RORA: variants seen among roughly 807,000 people sequenced by gnomAD.
The protein encoded by RORA is RAR related orphan receptor A, also known as nuclear receptor ROR-alpha.
A neutral mutation model predicts 69.5 loss-of-function variants in RORA; 7 were observed. The observed-to-expected ratio is 0.10, with a 90% CI of 0.06 to 0.19. RORA has a LOEUF of 0.19. RORA is among the 10% of genes least tolerant of loss of function. RORA has a pLI of 1.00. For synonymous variants in RORA, 261 were observed against 240.8 expected, an observed-to-expected ratio of 1.08 and a Z score of -0.78; for missense variants, 457 against 663.0, an observed-to-expected ratio of 0.69 and a Z score of 3.41.
At chr15:61,156,737 T>G (rs1010052865) in intron 1 of RORA, among the ~76,000 whole-genome samples, 3 of 152,202 alleles carry the variant, frequency 2.0e-5, no homozygotes, top group African/African-American at 7.2e-5. Context: ...GACTCCCCCA[T>G]GTTATAAGAG....
intron 1 of RORA, among the ~76,000 whole-genome samples, chr15:60,691,129 C>T (rs913937268): frequency 3.3e-5 from 5 of 152,000 alleles, no homozygotes; most frequent in African/African-American, 9.7e-5. Context: ...TTTGTAGTTC[C>T]CTCTGCCTGT....
intron 1 of RORA, among the ~76,000 whole-genome samples, chr15:60,780,329 A>G (rs550720926): frequency 5.3e-5 from 8 of 152,252 alleles, no homozygotes; most frequent in African/African-American, 1.9e-4. Flanking sequence ...TTCCACATGG[A>G]CTGGTGATGT....
At chr15:60,946,942 C>A (rs953938322) in intron 1 of RORA, among the ~76,000 whole-genome samples, 1 of 151,174 alleles carries the variant, frequency 6.6e-6, no homozygotes, top group African/African-American at 2.4e-5. Flanking sequence ...AGGTGAGGAG[C>A]GTCTCTGCCC....
At chr15:60,979,098 A>G (rs975988240) in intron 1 of RORA, among the ~76,000 whole-genome samples, 2 of 150,828 alleles carry the variant, frequency 1.3e-5, no homozygotes, top group Non-Finnish European at 2.9e-5. Flanking sequence ...AGTAGCTGGG[A>G]CTACAGGCAC....
chr15:60,599,230 C>T (rs1022811880), intron 2 of RORA, among the ~76,000 whole-genome samples: 1 of 152,078 alleles, frequency 6.6e-6, no homozygotes, highest in Non-Finnish European at 1.5e-5. Flanking sequence ...AAATGAAGAG[C>T]CTCTTAGAAG....
chr15:60,572,667 A>G (rs1031220002), intron 2 of RORA, among the ~76,000 whole-genome samples: 7 of 152,170 alleles, frequency 4.6e-5, no homozygotes, highest in Non-Finnish European at 8.8e-5. Context: ...AAATAATCCA[A>G]TGTGGTTGAT....
At chr15:61,214,863 CTTT>C (rs34041868) in intron 1 of RORA, among the ~76,000 whole-genome samples, 7 of 107,084 alleles carry the variant, frequency 6.5e-5, no homozygotes, top group African/African-American at 1.5e-4. Context: ...CCTTCTTGGA[CTTT>C]TTTTTTTTTT....
intron 1 of RORA, among the ~76,000 whole-genome samples, chr15:60,970,587 AT>A (rs1405425789): frequency 3.3e-5 from 5 of 152,240 alleles, no homozygotes; most frequent in African/African-American, 1.2e-4. Flanking sequence ...ACAAGAGGAA[AT>A]AGGAACTTGG....
chr15:60,966,147 A>G (rs1175994261), intron 1 of RORA, among the ~76,000 whole-genome samples: 2 of 152,064 alleles, frequency 1.3e-5, no homozygotes, highest in Non-Finnish European at 2.9e-5. Flanking sequence ...CTCTTTCTTC[A>G]TATCACCTTC....
At chr15:61,050,328 CT>C (rs773888814) in intron 1 of RORA, among the ~76,000 whole-genome samples, 4 of 152,294 alleles carry the variant, frequency 2.6e-5, no homozygotes, top group Middle Eastern at 3.4e-3. Context: ...ACTTTGTCCT[CT>C]GAAATATAGT....
intron 1 of RORA, among the ~76,000 whole-genome samples, chr15:61,101,358 CTTGT>C (rs2078876876): frequency 6.6e-6 from 1 of 151,986 alleles, no homozygotes; most frequent in African/African-American, 2.4e-5. Context: ...GAAAAAAAGG[CTTGT>C]TTATTTTGAG....
At chr15:60,668,684 G>C (rs2070416562) in intron 2 of RORA, among the ~76,000 whole-genome samples, 2 of 152,194 alleles carry the variant, frequency 1.3e-5, no homozygotes, top group Admixed American at 1.3e-4. Context: ...GTGAGGGAAA[G>C]TGAATTTTCA....
rs574110738 is a variant in RORA at position 60,642,109 on chromosome 15, T to C, written c.196+36548A>G. On this transcript the variant is annotated intron_variant, in intron 2 of 10. Transcript: ENST00000335670. ...TCGGGCTGTGTGAATAGTATGTCCT[T>C]TAGCTCAGGGAGTCATTCTTTCCAC... 5.3e-5 allele frequency among the ~76,000 whole-genome samples: 8 copies of C among 152,278 alleles called. No homozygotes were observed. In the South Asian group the frequency reaches 1.7e-3, roughly 32 times the overall value.
intron 2 of RORA, chr15:60,556,918 C>T: frequency 3.7e-6 from 6 of 1,613,328 alleles, no homozygotes; most frequent in South Asian, 1.1e-5. Context: ...GCCATTCTGC[C>T]TCCAGGAACA....
chr15:60,762,851 C>T (rs2071915946), intron 1 of RORA, among the ~76,000 whole-genome samples: 1 of 152,092 alleles, frequency 6.6e-6, no homozygotes, highest in South Asian at 2.1e-4. Flanking sequence ...ATTCAAGATG[C>T]TGCTTTGCCA....
At chr15:60,614,869 C>G in intron 2 of RORA, 1 of 1,595,572 alleles carries the variant, frequency 6.3e-7, no homozygotes, top group Non-Finnish European at 8.6e-7. Context: ...CTGCCTGGAG[C>G]ATAGTAAGCT....
intron 1 of RORA, among the ~76,000 whole-genome samples, chr15:61,219,041 T>G (rs1353248801): frequency 1.3e-5 from 2 of 152,222 alleles, no homozygotes; most frequent in Non-Finnish European, 2.9e-5. Context: ...AAAATAGTTT[T>G]ACTTTCCACT....
chr15:60,975,867 T>C (rs1595856288), intron 1 of RORA, among the ~76,000 whole-genome samples: 1 of 151,978 alleles, frequency 6.6e-6, no homozygotes, highest in Non-Finnish European at 1.5e-5. Flanking sequence ...CATACATACA[T>C]GTGCATACAC....
At chr15:60,966,393 T>C (rs1523529) in intron 1 of RORA, among the ~76,000 whole-genome samples, 147,668 of 152,280 alleles carry the variant, frequency 0.97, 71,787 homozygotes, top group East Asian at 1. Context: ...GAAGATGAGT[T>C]TTATTTCCCA....
Sources: allele counts gnomAD v4.1 joint callset (sites outside exome capture counted in the v4.1 genomes callset), GRCh38; gene constraint gnomAD v4.1.1; transcripts MANE v1.5; gene names NCBI Gene and HGNC (gene_info 2026-07-23, HGNC 2026-07-21).